Variants in TMEM196 observed in about 807,000 individuals in gnomAD.
TMEM196 encodes transmembrane protein 196.
In TMEM196, 17 loss-of-function variants were observed where a neutral mutation model predicts 20.0. The observed-to-expected ratio is 0.85, with a 90% CI of 0.58 to 1.27. The LOEUF (loss-of-function observed/expected upper bound fraction) is 1.27, where lower values mean the gene tolerates loss of function less well. Ranked by LOEUF, TMEM196 falls within the 50% of genes most tolerant of loss-of-function variation. The pLI is 0.00. For missense variants in TMEM196, 267 were observed against 223.0 expected (o/e 1.20, Z -1.26); for synonymous variants, 113 against 88.9 (o/e 1.27, Z -1.52).
intron 1 of TMEM196, among the ~76,000 whole-genome samples, chr7:19,746,977 C>T (rs1450016780): frequency 1.3e-5 from 2 of 152,166 alleles, no homozygotes; most frequent in Admixed American, 6.5e-5. Flanking sequence ...AAATCCCGGC[C>T]GGGCGTGGTG....
intron 1 of TMEM196, among the ~76,000 whole-genome samples, chr7:19,737,794 T>C (rs545909262): frequency 9.9e-5 from 15 of 152,060 alleles, no homozygotes; most frequent in African/African-American, 3.6e-4. Context: ...AGGGTATATA[T>C]TTAAGGAAAT....
intron 1 of TMEM196, among the ~76,000 whole-genome samples, chr7:19,745,010 A>T (rs1315036705): frequency 2.6e-5 from 4 of 152,070 alleles, no homozygotes; most frequent in African/African-American, 9.7e-5. Context: ...CCATATGTGC[A>T]GGAGATTGGT....
chr7:19,763,989 C>T (rs1049526001), intron 1 of TMEM196, among the ~76,000 whole-genome samples: 3 of 152,158 alleles, frequency 2.0e-5, no homozygotes, highest in Non-Finnish European at 2.9e-5. Flanking sequence ...AACCTATTCT[C>T]ACTTCTTTGT....
At chr7:19,725,863 C>G in intron 2 of TMEM196, 95 bp from the exon 3 acceptor site, 1 of 1,398,390 alleles carries the variant, frequency 7.2e-7, no homozygotes. Context: ...GATGACTAGC[C>G]TACAATAAAG....
chr7:19,769,320 A>T (rs775223977), intron 1 of TMEM196, among the ~76,000 whole-genome samples: 6 of 151,038 alleles, frequency 4.0e-5, no homozygotes, highest in Non-Finnish European at 7.4e-5. Context: ...AAGAATGGGT[A>T]TTATTATTAT....
At chr7:19,747,254 C>A (rs1298014473) in intron 1 of TMEM196, among the ~76,000 whole-genome samples, 17 of 129,002 alleles carry the variant, frequency 1.3e-4, no homozygotes, top group South Asian at 5.0e-4. Flanking sequence ...GACTCCGTCT[C>A]AAAAAAATAA....
chr7:19,722,266 T>C, intron 4 of TMEM196, 132 bp from the exon 5 acceptor site: 2 of 677,106 alleles, frequency 3.0e-6, no homozygotes, highest in East Asian at 3.0e-5. Flanking sequence ...ACAAGGATAT[T>C]GCTGTTATAT....
chr7:19,737,965 A>G (rs900311068), intron 1 of TMEM196, among the ~76,000 whole-genome samples: 23 of 152,036 alleles, frequency 1.5e-4, no homozygotes, highest in African/African-American at 5.6e-4. Context: ...ATCCCAGAAT[A>G]AAATGTAGAA....
chr7:19,736,789 G>A (rs950885951), intron 1 of TMEM196, among the ~76,000 whole-genome samples: 1 of 151,920 alleles, frequency 6.6e-6, no homozygotes, highest in Non-Finnish European at 1.5e-5. Context: ...AAAACATAAG[G>A]TCAAAGAGTG....
At chr7:19,767,148 G>A (rs927348559) in intron 1 of TMEM196, among the ~76,000 whole-genome samples, 4 of 151,972 alleles carry the variant, frequency 2.6e-5, no homozygotes, top group Admixed American at 6.6e-5. Flanking sequence ...CAGTATGTGC[G>A]ATTTACATGT....
intron 3 of TMEM196, among the ~76,000 whole-genome samples, 198 bp from the exon 4 acceptor site, chr7:19,724,551 C>T (rs770447914): frequency 2.6e-5 from 4 of 152,138 alleles, no homozygotes; most frequent in Non-Finnish European, 4.4e-5. Context: ...GAAGGACATG[C>T]ATAGCTGTGT....
intron 1 of TMEM196, 126 bp from the exon 2 acceptor site, chr7:19,729,564 C>T (rs1264084166): frequency 1.2e-6 from 1 of 820,048 alleles, no homozygotes; most frequent in Non-Finnish European, 1.9e-6. Flanking sequence ...CCTTCAAAAC[C>T]TGGAGAGGAT....
intron 1 of TMEM196, among the ~76,000 whole-genome samples, chr7:19,770,419 T>A (rs985261118): frequency 6.6e-6 from 1 of 152,228 alleles, no homozygotes; most frequent in Non-Finnish European, 1.5e-5. Flanking sequence ...GACTGTACCA[T>A]AAATGATTTC....
chr7:19,771,242 C>T (rs1441857298), intron 1 of TMEM196, among the ~76,000 whole-genome samples: 1 of 152,026 alleles, frequency 6.6e-6, no homozygotes, highest in African/African-American at 2.4e-5. Flanking sequence ...AATTACATGA[C>T]AAAGAACAAG....
intron 1 of TMEM196, among the ~76,000 whole-genome samples, chr7:19,741,820 A>T (rs527859537): frequency 1.8e-4 from 27 of 152,308 alleles, no homozygotes; most frequent in Middle Eastern, 3.4e-3. Flanking sequence ...AATTTACCTA[A>T]GAGAATATAT....
intron 2 of TMEM196, among the ~76,000 whole-genome samples, chr7:19,727,393 T>G (rs1406336243): frequency 6.6e-6 from 1 of 152,176 alleles, no homozygotes. Flanking sequence ...TAATTTCATT[T>G]CTTCAACTTA....
intron 1 of TMEM196, among the ~76,000 whole-genome samples, chr7:19,758,983 A>G (rs925647874): frequency 6.6e-6 from 1 of 152,178 alleles, no homozygotes; most frequent in African/African-American, 2.4e-5. Flanking sequence ...CTACTCAAAG[A>G]CTTTTTCTCT....
At chr7:19,724,444 C>T in intron 3 of TMEM196, 91 bp from the exon 4 acceptor site, 1 of 1,164,242 alleles carries the variant, frequency 8.6e-7, no homozygotes, top group Non-Finnish European at 1.2e-6. Context: ...CACAAAAGAG[C>T]CACTATTCAT....
In TMEM196 at chr7:19,725,756, A is replaced by C. The variant is rs760170700; in HGVS notation, c.217T>G (p.Ser73Ala). 6.2e-7 allele frequency: 1 copy of C among 1,600,984 alleles called. No individual in the cohort carries two copies. The highest frequency in any genetic ancestry group is 1.3e-5 in the African/African-American group (1 of 74,498). Reference sequence around the variant, plus strand: ...ATAAGTCCACAGATACAGCAGGCTGAAAAGAGGATCATCTGATAAGAAAAA... The same window carrying C: ...ATAAGTCCACAGATACAGCAGGCTGCAAAGAGGATCATCTGATAAGAAAAA... ...KKSGLVMILF[S>A]ACCICGLIGG... Residue 73 changes from serine (S) to alanine (A), a missense_variant, in exon 3 of 5, where the codon TCA becomes GCA. Ser to Ala is a moderately conservative substitution (Grantham distance 99). Transcript: ENST00000405844.
Sources: gnomAD v4.1 joint callset for allele counts (sites outside exome capture counted in the v4.1 genomes callset) on GRCh38, gnomAD v4.1.1 for gene constraint, MANE v1.5 for transcripts, NCBI Gene and HGNC (gene_info 2026-07-23, HGNC 2026-07-21) for gene names.